Variants in SCNN1D observed in about 807,000 individuals in gnomAD.
The protein encoded by SCNN1D is sodium channel epithelial 1 subunit delta, also known as epithelial sodium channel subunit delta.
In SCNN1D, 104 loss-of-function variants were observed where a neutral mutation model predicts 87.8. That is an observed-to-expected ratio of 1.18 (90% CI 1.01 to 1.39). The LOEUF (loss-of-function observed/expected upper bound fraction) is 1.39, where lower values mean the gene tolerates loss of function less well. SCNN1D is among the 40% of genes most tolerant of loss of function. SCNN1D has a pLI of 0.00. For synonymous variants in SCNN1D, 628 were observed against 481.2 expected (o/e 1.31, Z -3.99); for missense variants, 1,324 against 1,093.9 (o/e 1.21, Z -2.97).
At chr1:1,285,705 A>G in intron 6 of SCNN1D, 41 bp downstream of exon 6, 1 of 1,447,162 alleles carries the variant, frequency 6.9e-7, no homozygotes, top group Non-Finnish European at 9.3e-7. Flanking sequence ...CTGCTGCCCC[A>G]GCAGCCCAAA....
chr1:1,290,103 CT>C lies in SCNN1D; in HGVS notation c.1663-167del, dbSNP rs1166158388. Among the ~76,000 whole-genome samples the C allele has an allele frequency of 3.8e-3, 539 of 141,118 alleles. 7 individuals carry two copies. The highest frequency in any genetic ancestry group is 5.2e-3 in the Non-Finnish European group (336 of 64,308). The allele number at this position is 141,118 out of a possible 152,430, so 92.6% of individuals were successfully genotyped here. A position where few individuals can be genotyped will look rare whatever the true frequency, so the allele number is the denominator to read the frequency against. Reference sequence around the variant, plus strand: ...GTCTCTGCTCCGTCCCGTGTCTCTGCTCCGTCCCGTGTCTCTGCTCCGTCCC... The same window carrying C: ...GTCTCTGCTCCGTCCCGTGTCTCTGCCCGTCCCGTGTCTCTGCTCCGTCCC... On this transcript the variant is annotated intron_variant, in intron 12 of 17. Transcript: ENST00000379116.
At chr1:1,288,128 A>AGT (rs1303415598) in intron 12 of SCNN1D, 91 bp downstream of exon 12, 13 of 933,066 alleles carry the variant, frequency 1.4e-5, no homozygotes, top group Admixed American at 2.7e-5. Context: ...GGTCTGGGAG[A>AGT]GTACTAGAGG....
intron 7 of SCNN1D, 78 bp from the exon 8 acceptor site, chr1:1,286,690 C>T (rs551960253): frequency 1.2e-5 from 17 of 1,378,732 alleles, no homozygotes; most frequent in East Asian, 4.7e-5. Flanking sequence ...ACTGCTGTCC[C>T]GACAGCACAC....
At position 1,291,060 on chromosome 1, in the gene SCNN1D, C is replaced by A. The variant is rs962947050; in HGVS notation, c.1977-5C>A. 2 of 1,611,716 alleles carry A rather than the reference C, an allele frequency of 1.2e-6. No individual in the cohort carries two copies. The highest frequency in any genetic ancestry group is 4.5e-5 in the East Asian group (2 of 44,852). On this transcript the variant is annotated splice_polypyrimidine_tract_variant and splice_region_variant and intron_variant, in intron 16 of 17. Coordinates refer to ENST00000379116, the MANE Select transcript of SCNN1D (RefSeq NM_001130413.4). ...CAGCGCCCTCATGCCTCTATCCTGC[C>A]CCAGGAGCAGCCTGGCCAAAATCAA... is the stretch of plus-strand genomic sequence containing the variant.
At position 1,291,471 on chromosome 1, in the gene SCNN1D, C is replaced by T. The variant is rs61730205; in HGVS notation, c.2270C>T (p.Pro757Leu). The T allele has an allele frequency of 3.5e-3, 5,589 of 1,608,570 alleles. 164 individuals are homozygous for T. The African/African-American group carries it at 0.062, about 18-fold the overall frequency. Residue 757 changes from proline (P) to leucine (L), a missense_variant, in exon 18 of 18, where the codon CCG becomes CTG. Pro to Leu is a moderately conservative substitution (Grantham distance 98). Coordinates refer to ENST00000379116, the MANE Select transcript of SCNN1D (RefSeq NM_001130413.4). The part of the protein sequence containing the change: ...SIKPEASQMP[P>L]PAGGTSDDPE... Reference sequence around the variant, plus strand: ...AAGCCAGAGGCCAGTCAGATGCCCCCGCCTGCAGGCGGCACGTCAGATGAC... The same window carrying T: ...AAGCCAGAGGCCAGTCAGATGCCCCTGCCTGCAGGCGGCACGTCAGATGAC...
chr1:1,290,455 A>G (rs1640765333), intron 13 of SCNN1D, 22 bp from the exon 14 acceptor site: 2 of 1,612,338 alleles, frequency 1.2e-6, no homozygotes, highest in Non-Finnish European at 8.5e-7. Context: ...AGCCTCACAC[A>G]TGCCTCTGAC....
intron 1 of SCNN1D, chr1:1,280,920 TTAG>T: frequency 1.7e-6 from 1 of 582,076 alleles, no homozygotes; most frequent in East Asian, 2.8e-5. Context: ...TGGTGCCACC[TTAG>T]TGCCTGTTCT....
chr1:1,281,113 C>G (rs922916825), intron 1 of SCNN1D, 113 bp from the exon 2 acceptor site: 1 of 1,019,176 alleles, frequency 9.8e-7, no homozygotes, highest in African/African-American at 1.6e-5. Context: ...CGTCCCAGGG[C>G]TGACTCAGAG....
chr1:1,288,253 C>T lies in SCNN1D; in HGVS notation c.1662+216C>T, dbSNP rs1230801924. ...TCTGCTCCGTCCCGTGTCTCTGCTCCGTCCCGTGTCTCTGCTCCGTCCCCC... is the reference window on the plus strand; with the variant it reads ...TCTGCTCCGTCCCGTGTCTCTGCTCTGTCCCGTGTCTCTGCTCCGTCCCCC... On this transcript the variant is annotated intron_variant, in intron 12 of 17. Transcript: ENST00000379116. Among the ~76,000 whole-genome samples, 66 of 128,554 alleles carry T rather than the reference C, an allele frequency of 5.1e-4. No homozygotes were observed. The East Asian group carries it at 7.1e-3, about 14-fold the overall frequency. The allele number at this position is 128,554 out of a possible 152,430, so 84.3% of individuals were successfully genotyped here.
Position 1,291,319 on chromosome 1 carries a change from C to G in SCNN1D, c.2118C>G (p.Ser706=). 6.3e-7 allele frequency: 1 copy of G among 1,595,952 alleles called. No homozygotes were observed. Among genetic ancestry groups the G allele is most frequent in the Non-Finnish European group, 8.5e-7 (1 of 1,173,054 alleles). ...TGTGGTTTGGGGCCTCCGTCCTCTC[C>G]CTCCTGGAGCTCCTGGAGCTGCTGC... is the stretch of plus-strand genomic sequence containing the variant. ...CSLWFGASVL[S]LLELLELLLD... is the part of the protein sequence containing the mutation. Residue 706 remains serine, a synonymous_variant, in exon 18 of 18, where the codon TCC becomes TCG. Transcript: ENST00000379116.
rs1359981990 is a variant in SCNN1D, at chr1:1,281,421, T to A, written c.88T>A (p.Ser30Thr). The A allele has an allele frequency of 1.3e-6, 2 of 1,521,338 alleles. No individual in the cohort carries two copies. Among genetic ancestry groups the A allele is most frequent in the East Asian group, 4.9e-5 (2 of 40,792 alleles). 94.2% of individuals were successfully genotyped at this position (1,521,338 alleles called of 1,614,324 possible). The change falls in exon 3 of 18, where the codon TCA becomes ACA. Residue 30 changes from serine (S) to threonine (T), a missense_variant. Transcript: ENST00000379116. Reference protein sequence around the residue: ...HLSGPRRLTWSWCSDHRTPTC... With the variant: ...HLSGPRRLTWTWCSDHRTPTC... ...CCTTCTCTCATTCAGGCTCACCTGG[T>A]CATGGTGCAGTGACCACAGGACCCC...
chr1:1,282,176 C>T lies in SCNN1D; in HGVS notation c.278-66C>T, dbSNP rs1402894660. The T allele has an allele frequency of 6.4e-6, 6 of 941,820 alleles. No homozygotes were observed. In the Admixed American group the frequency reaches 8.3e-5, roughly 13 times the overall value. The allele number at this position is 941,820 out of a possible 1,614,324, so 58.3% of individuals were successfully genotyped here. A position where few individuals can be genotyped will look rare whatever the true frequency, so the allele number is the denominator to read the frequency against. ...AGCCCCATCTGGCACTCAAGGAAAT[C>T]AGCTCAGAGAGGTTGAGTAACTCGG... is the stretch of plus-strand genomic sequence containing the variant. On this transcript the variant is annotated intron_variant, in intron 3 of 17. Transcript: ENST00000379116.
In SCNN1D at chr1:1,281,404, C is replaced by G. The variant is rs1471401438; in HGVS notation, c.78-7C>G. 65 of 1,523,366 alleles carry G rather than the reference C, an allele frequency of 4.3e-5. No individual in the cohort carries two copies. The highest frequency in any genetic ancestry group is 5.4e-5 in the Non-Finnish European group (61 of 1,138,788). The allele number at this position is 1,523,366 out of a possible 1,614,324, so 94.4% of individuals were successfully genotyped here. A position where few individuals can be genotyped will look rare whatever the true frequency, so the allele number is the denominator to read the frequency against. ...AGGGATGCCTGCCCGTCCCTTCTCT[C>G]ATTCAGGCTCACCTGGTCATGGTGC... On this transcript the variant is annotated splice_region_variant and splice_polypyrimidine_tract_variant and intron_variant, in intron 2 of 17. Transcript: ENST00000379116.
At chr1:1,288,129 G>T in intron 12 of SCNN1D, 92 bp downstream of exon 12, 1 of 925,204 alleles carries the variant, frequency 1.1e-6, no homozygotes, top group Non-Finnish European at 1.6e-6. Flanking sequence ...GTCTGGGAGA[G>T]TACTAGAGGG....
intron 4 of SCNN1D, among the ~76,000 whole-genome samples, chr1:1,282,811 G>A (rs1384091853): frequency 6.6e-6 from 1 of 151,192 alleles, no homozygotes; most frequent in Non-Finnish European, 1.5e-5. Context: ...GGAGTGCAGT[G>A]GCACGATCTC....
At chr1:1,285,457 A>G in intron 5 of SCNN1D, 114 bp from the exon 6 acceptor site, 1 of 704,546 alleles carries the variant, frequency 1.4e-6, no homozygotes, top group South Asian at 2.1e-5. Context: ...TCAGCAGGCC[A>G]CACTGGGGGC....
At chr1:1,288,553 G>A (rs1452514881) in intron 12 of SCNN1D, among the ~76,000 whole-genome samples, 2 of 50,254 alleles carry the variant, frequency 4.0e-5, no homozygotes, top group Non-Finnish European at 3.5e-5. Context: ...TCCGTCCCCC[G>A]TGTCTCTGCT....
intron 12 of SCNN1D, among the ~76,000 whole-genome samples, chr1:1,288,287 GC>G (rs1640667580): frequency 2.6e-5 from 2 of 76,514 alleles, no homozygotes; most frequent in Non-Finnish European, 3.9e-5. Flanking sequence ...CCGAGTCTCT[GC>G]TCCGTCCCGT....
chr1:1,282,845 T>C (rs1407283661), intron 4 of SCNN1D, among the ~76,000 whole-genome samples: 4 of 151,764 alleles, frequency 2.6e-5, no homozygotes, highest in East Asian at 1.9e-4. Flanking sequence ...CTCCGCCTCC[T>C]GGGTTCACAC....
Sources: gnomAD v4.1 joint callset for allele counts (sites outside exome capture counted in the v4.1 genomes callset) on GRCh38, gnomAD v4.1.1 for gene constraint, MANE v1.5 for transcripts, NCBI Gene and HGNC (gene_info 2026-07-23, HGNC 2026-07-21) for gene names.